Variants in DPP10 observed in about 807,000 individuals in gnomAD.
DPP10 encodes the protein inactive dipeptidyl peptidase 10.
Under a neutral mutation model 120.9 loss-of-function variants are expected in DPP10, and 33 were observed. That is an observed-to-expected ratio of 0.27 (90% CI 0.21 to 0.37). DPP10 has a LOEUF of 0.37. Ranked by LOEUF, DPP10 falls within the 10% of genes least tolerant of loss-of-function variation. The pLI, the probability that DPP10 is intolerant of heterozygous loss-of-function variation, is 1.00. For synonymous variants in DPP10, 337 were observed against 326.1 expected (o/e 1.03, Z -0.36); for missense variants, 816 against 942.8 (o/e 0.87, Z 1.76).
chr2:115,242,366 T>C (rs1475739270), intron 1 of DPP10, among the ~76,000 whole-genome samples: 2 of 152,160 alleles, frequency 1.3e-5, no homozygotes, highest in African/African-American at 2.4e-5. Flanking sequence ...CTGAGTAGTA[T>C]CCCATCATGT....
At chr2:115,032,914 G>A (rs891822341) in intron 1 of DPP10, among the ~76,000 whole-genome samples, 15 of 151,006 alleles carry the variant, frequency 9.9e-5, no homozygotes, top group African/African-American at 3.4e-4. Flanking sequence ...AGAAGAAGAA[G>A]AAGAATATAG....
chr2:115,655,258 C>G (rs1052539256), intron 5 of DPP10, among the ~76,000 whole-genome samples: 1 of 151,370 alleles, frequency 6.6e-6, no homozygotes, highest in Non-Finnish European at 1.5e-5. Context: ...TAAGCACAAT[C>G]GAAAGTTTCA....
At chr2:114,825,222 T>C (rs1273715034) in intron 1 of DPP10, among the ~76,000 whole-genome samples, 1 of 152,238 alleles carries the variant, frequency 6.6e-6, no homozygotes, top group East Asian at 1.9e-4. Flanking sequence ...CAAAATGTTT[T>C]ATCCAAGATA....
intron 1 of DPP10, among the ~76,000 whole-genome samples, chr2:115,163,746 C>T (rs1243781488): frequency 2.6e-5 from 4 of 152,286 alleles, no homozygotes; most frequent in South Asian, 4.1e-4. Flanking sequence ...TGAGAGTCCC[C>T]ACATGAAATC....
chr2:115,243,610 T>A (rs948043456), intron 1 of DPP10, among the ~76,000 whole-genome samples: 5 of 152,134 alleles, frequency 3.3e-5, no homozygotes, highest in Non-Finnish European at 7.4e-5. Flanking sequence ...GATCTTTGAC[T>A]TACTTAATGG....
At chr2:114,827,856 G>A (rs1043567981) in intron 1 of DPP10, among the ~76,000 whole-genome samples, 15 of 152,210 alleles carry the variant, frequency 9.9e-5, no homozygotes, top group African/African-American at 2.9e-4. Flanking sequence ...ACACACTCAC[G>A]TCTCTTCCCC....
chr2:115,799,663 C>A (rs905662420), intron 19 of DPP10, among the ~76,000 whole-genome samples: 2 of 147,174 alleles, frequency 1.4e-5, no homozygotes, highest in Admixed American at 6.9e-5. Flanking sequence ...CAATTCCCAC[C>A]TATGAGTGAG....
In DPP10 at chr2:114,462,127, T is replaced by G. The variant is rs531980492; in HGVS notation, c.60+19289T>G. On this transcript the variant is annotated intron_variant, in intron 1 of 25. Transcript: ENST00000410059. ...GGAGCTTTCTTGGAATGAAACATTATCCCGTAACACCAGGTAATTTTCTTT... is the reference window on the plus strand; with the variant it reads ...GGAGCTTTCTTGGAATGAAACATTAGCCCGTAACACCAGGTAATTTTCTTT... 6 of 985,390 alleles carry G rather than the reference T, an allele frequency of 6.1e-6. No individual in the cohort carries two copies. The South Asian group carries it at 2.8e-4, about 46-fold the overall frequency. The allele number at this position is 985,390 out of a possible 1,614,324, so 61.0% of individuals were successfully genotyped here.
chr2:114,788,857 A>G (rs1682998279), intron 1 of DPP10, among the ~76,000 whole-genome samples: 2 of 152,070 alleles, frequency 1.3e-5, no homozygotes, highest in Non-Finnish European at 2.9e-5. Flanking sequence ...ATCTTTTTTA[A>G]CGGCATCCTC....
At chr2:115,055,836 G>A (rs1276689336) in intron 1 of DPP10, among the ~76,000 whole-genome samples, 1 of 152,076 alleles carries the variant, frequency 6.6e-6, no homozygotes, top group Admixed American at 6.6e-5. Flanking sequence ...ATAAATATTT[G>A]CTATCATTTA....
Position 115,800,356 on chromosome 2 carries a change from T to A in DPP10, c.1700+9000T>A, listed in dbSNP as rs547077960. 2.6e-5 allele frequency among the ~76,000 whole-genome samples: 4 copies of A among 152,262 alleles called. No individual in the cohort carries two copies. In the East Asian group the frequency reaches 7.7e-4, roughly 29 times the overall value. ...ATTAGCCCTTTGTCAGATGAGTAGG[T>A]TGCAAAAATTTTCTCCCATTCTGTA... On this transcript the variant is annotated intron_variant, in intron 19 of 25. Transcript: ENST00000410059.
chr2:114,778,355 G>C (rs1681951554), intron 1 of DPP10, among the ~76,000 whole-genome samples: 1 of 152,082 alleles, frequency 6.6e-6, no homozygotes, highest in African/African-American at 2.4e-5. Flanking sequence ...ATATAAATGT[G>C]ATTTGATCAT....
intron 1 of DPP10, among the ~76,000 whole-genome samples, chr2:114,563,145 G>T (rs1047219271): frequency 6.6e-6 from 1 of 152,328 alleles, no homozygotes; most frequent in Non-Finnish European, 1.5e-5. Flanking sequence ...AGGCCAAGGC[G>T]GGCGGATCAT....
rs57649162 is a variant in DPP10, at chr2:115,270,066, T to TCACACACACACACA, written c.61-39138_61-39125dup. 3.5e-3 allele frequency among the ~76,000 whole-genome samples: 452 copies of TCACACACACACACA among 130,714 alleles called. 2 individuals carry two copies. Among genetic ancestry groups the TCACACACACACACA allele is most frequent in the Non-Finnish European group, 6.2e-3 (382 of 61,944 alleles). 85.8% of individuals were successfully genotyped at this position (130,714 alleles called of 152,430 possible). On this transcript the variant is annotated intron_variant, in intron 1 of 25. Transcript: ENST00000410059. ...TGCCTAACTTGTTACTAGGTATACT[T>TCACACACACACACA]CACACACACACACACACACACACAC...
chr2:114,522,426 G>A (rs2104669031), intron 1 of DPP10, among the ~76,000 whole-genome samples: 1 of 152,130 alleles, frequency 6.6e-6, no homozygotes, highest in Admixed American at 6.5e-5. Context: ...AACCATAGAA[G>A]ATAAATCAAA....
intron 3 of DPP10, among the ~76,000 whole-genome samples, chr2:115,358,396 A>G (rs532151706): frequency 6.6e-6 from 1 of 152,206 alleles, no homozygotes; most frequent in Non-Finnish European, 1.5e-5. Flanking sequence ...TCCATCTGAA[A>G]CCACCTCAGC....
chr2:115,297,666 T>G (rs2060946934), intron 1 of DPP10, among the ~76,000 whole-genome samples: 1 of 152,066 alleles, frequency 6.6e-6, no homozygotes, highest in South Asian at 2.1e-4. Context: ...GAGTCTAGTC[T>G]GTTAACTAGA....
intron 1 of DPP10, among the ~76,000 whole-genome samples, chr2:114,618,598 C>G (rs1169525093): frequency 6.6e-6 from 1 of 151,926 alleles, no homozygotes; most frequent in South Asian, 2.1e-4. Context: ...GTCTTGTATG[C>G]TAGCAACATT....
intron 2 of DPP10, among the ~76,000 whole-genome samples, chr2:115,339,704 T>G (rs941021683): frequency 2.6e-4 from 40 of 152,260 alleles, no homozygotes; most frequent in Middle Eastern, 3.4e-3. Context: ...TAAAAGCCAG[T>G]CCAAAAGCTT....
Sources: allele counts gnomAD v4.1 joint callset (sites outside exome capture counted in the v4.1 genomes callset), GRCh38; gene constraint gnomAD v4.1.1; transcripts MANE v1.5; gene names NCBI Gene and HGNC (gene_info 2026-07-23, HGNC 2026-07-21).